Variants in TRAF5 observed in about 807,000 individuals in gnomAD.
The protein encoded by TRAF5 is TNF receptor associated factor 5, also known as TNF receptor-associated factor 5.
TRAF5 carries 48 observed loss-of-function variants against 64.5 expected under a neutral mutation model. The observed-to-expected ratio is 0.74, with a 90% CI of 0.59 to 0.95. The LOEUF (loss-of-function observed/expected upper bound fraction) is 0.95, where lower values mean the gene tolerates loss of function less well. TRAF5 is among the 40% of genes least tolerant of loss of function. The probability of loss-of-function intolerance (pLI) is 0.00; values close to 1 mark genes in which losing one functional copy is unlikely to be tolerated. For missense variants in TRAF5, 545 were observed against 662.8 expected, an observed-to-expected ratio of 0.82 and a Z score of 1.95; for synonymous variants, 206 against 240.5, an observed-to-expected ratio of 0.86 and a Z score of 1.33.
At chr1:211,344,134 T>C (rs1702522448) in intron 1 of TRAF5, among the ~76,000 whole-genome samples, 1 of 152,174 alleles carries the variant, frequency 6.6e-6, no homozygotes, top group South Asian at 2.1e-4. Context: ...TGGGACTGAC[T>C]TGAGGCAGCA....
At chr1:211,362,303 T>C (rs1284773172) in intron 7 of TRAF5, among the ~76,000 whole-genome samples, 2 of 152,240 alleles carry the variant, frequency 1.3e-5, no homozygotes, top group Non-Finnish European at 1.5e-5. Flanking sequence ...TTCTGTATTT[T>C]CTGTAAATCT....
At chr1:211,360,918 C>T (rs1456261337) in intron 6 of TRAF5, 139 bp downstream of exon 6, 3 of 998,866 alleles carry the variant, frequency 3.0e-6, no homozygotes, top group Middle Eastern at 2.2e-4. Context: ...TCTGTCTTCC[C>T]TTCTCTTTTT....
Position 211,353,460 on chromosome 1 carries a change from G to A in TRAF5, c.218+3G>A. ...CAGCACTGCATCCTGTCCCTGAGGT[G>A]AGTGGGCAGGGCCTGCAACTCTGGC... On this transcript the variant is annotated splice_donor_region_variant and intron_variant, in intron 2 of 10. Coordinates refer to ENST00000261464, the MANE Select transcript of TRAF5 (RefSeq NM_001033910.3). 6.2e-7 allele frequency: 1 copy of A among 1,610,676 alleles called. No individual in the cohort carries two copies. Among genetic ancestry groups the A allele is most frequent in the Non-Finnish European group, 8.5e-7 (1 of 1,179,060 alleles).
intron 7 of TRAF5, among the ~76,000 whole-genome samples, chr1:211,364,015 A>C (rs1192046489): frequency 6.6e-6 from 1 of 151,916 alleles, no homozygotes; most frequent in Non-Finnish European, 1.5e-5. Flanking sequence ...AACTTGCCTC[A>C]GCACCAGAGC....
chr1:211,353,217 T>C, intron 1 of TRAF5, 22 bp from the exon 2 acceptor site: 1 of 1,611,540 alleles, frequency 6.2e-7, no homozygotes. Flanking sequence ...TAATTTTCCC[T>C]CTCCTCCCCT....
At chr1:211,336,954 TG>T (rs1358565663) in intron 1 of TRAF5, among the ~76,000 whole-genome samples, 1 of 151,886 alleles carries the variant, frequency 6.6e-6, no homozygotes, top group Non-Finnish European at 1.5e-5. Context: ...CCGCTGCACC[TG>T]GCCAGACCTC....
chr1:211,328,490 G>A (rs1351627289), intron 1 of TRAF5, among the ~76,000 whole-genome samples: 1 of 152,196 alleles, frequency 6.6e-6, no homozygotes, highest in Non-Finnish European at 1.5e-5. Context: ...GACGGGCAGG[G>A]TAGGATGGTG....
At chr1:211,353,892 A>AGG (rs1182013663) in intron 2 of TRAF5, among the ~76,000 whole-genome samples, 2 of 152,170 alleles carry the variant, frequency 1.3e-5, no homozygotes, top group African/African-American at 2.4e-5. Flanking sequence ...TACTGTGTTG[A>AGG]GGGAGGATAC....
intron 7 of TRAF5, among the ~76,000 whole-genome samples, chr1:211,363,629 A>G (rs1247860153): frequency 6.6e-6 from 1 of 152,260 alleles, no homozygotes; most frequent in African/African-American, 2.4e-5. Flanking sequence ...CGAAGAGTCT[A>G]TAAATTTGTC....
At chr1:211,330,538 T>C (rs970198280) in intron 1 of TRAF5, among the ~76,000 whole-genome samples, 2 of 152,078 alleles carry the variant, frequency 1.3e-5, no homozygotes, top group African/African-American at 2.4e-5. Context: ...AGTTTTCTGT[T>C]AGTAAGAAGA....
intron 9 of TRAF5, among the ~76,000 whole-genome samples, chr1:211,369,811 C>T (rs752787271): frequency 1.3e-5 from 2 of 151,922 alleles, no homozygotes; most frequent in African/African-American, 2.4e-5. Flanking sequence ...ACTGCTCCTC[C>T]CCCGACGTGT....
Position 211,372,154 on chromosome 1 carries a change from CA to C in TRAF5, c.1127del (p.His376LeufsTer12), listed in dbSNP as rs751975818. The C allele has an allele frequency of 6.5e-7, 1 of 1,527,960 alleles. No homozygotes were observed. Among genetic ancestry groups the C allele is most frequent in the African/African-American group, 1.4e-5 (1 of 70,286 alleles). 94.7% of individuals were successfully genotyped at this position (1,527,960 alleles called of 1,614,324 possible). ...CGTTTTAGAAGAGGAAACTAACAAA[CA>C]TGATACCCACATTAATATTCATAAA... ...LAVLEEETNKHDTHINIHKAQ... is the reference protein window; with the variant it reads ...LAVLEEETNKXDTHINIHKAQ... On this transcript the variant is annotated frameshift_variant, in exon 11 of 11. Coordinates refer to ENST00000261464, the MANE Select transcript of TRAF5 (RefSeq NM_001033910.3). LOFTEE classifies it high-confidence loss of function.
chr1:211,359,628 C>G (rs1408541430), intron 4 of TRAF5: 1 of 344,586 alleles, frequency 2.9e-6, no homozygotes, highest in Non-Finnish European at 5.3e-6. Context: ...TCATCTAAAA[C>G]AAACTTGGTG....
At chr1:211,331,718 TGCAGTG>T (rs1278087229) in intron 1 of TRAF5, among the ~76,000 whole-genome samples, 1 of 152,078 alleles carries the variant, frequency 6.6e-6, no homozygotes, top group Non-Finnish European at 1.5e-5. Flanking sequence ...CAGGCTGTAG[TGCAGTG>T]GCACAGTCTC....
chr1:211,346,922 A>G (rs1201759020), intron 1 of TRAF5, among the ~76,000 whole-genome samples: 1 of 152,240 alleles, frequency 6.6e-6, no homozygotes, highest in African/African-American at 2.4e-5. Flanking sequence ...AAACTCAACA[A>G]GAGTTCTTAG....
chr1:211,348,693 T>C (rs964201215), intron 1 of TRAF5, among the ~76,000 whole-genome samples: 2 of 152,214 alleles, frequency 1.3e-5, no homozygotes, highest in African/African-American at 4.8e-5. Flanking sequence ...TTTTCTGTTG[T>C]AGATGTCCAG....
rs1441879529 is a variant in TRAF5 at position 211,371,392 on chromosome 1, G to C, written c.1021G>C (p.Asp341His). 1.2e-6 allele frequency: 2 copies of C among 1,611,746 alleles called. No homozygotes were observed. The highest frequency in any genetic ancestry group is 1.3e-5 in the African/African-American group (1 of 74,906). ...QMVNQQQNKF[D>H]LRPLMEAVDT... ...GGTTAACCAGCAACAAAATAAATTT[G>C]ACCTGAGACCTTTGATGGAAGCAGT... Residue 341 changes from aspartate to histidine, a missense_variant, in exon 10 of 11, where the codon GAC (aspartate) becomes CAC (histidine). Coordinates refer to ENST00000261464, the MANE Select transcript of TRAF5 (RefSeq NM_001033910.3).
At chr1:211,349,058 A>AT (rs1702702650) in intron 1 of TRAF5, among the ~76,000 whole-genome samples, 1 of 150,270 alleles carries the variant, frequency 6.7e-6, no homozygotes, top group African/African-American at 2.4e-5. Flanking sequence ...AAAAAAAAAA[A>AT]TTAGCCAGGC....
intron 4 of TRAF5, chr1:211,357,476 G>A (rs1246668948): frequency 6.6e-6 from 1 of 152,220 alleles, no homozygotes; most frequent in Non-Finnish European, 1.5e-5. Context: ...TAAAAAGTAA[G>A]TGAGGCTCAA....
Sources: gnomAD v4.1 joint callset for allele counts (sites outside exome capture counted in the v4.1 genomes callset) on GRCh38, gnomAD v4.1.1 for gene constraint, MANE v1.5 for transcripts, NCBI Gene and HGNC (gene_info 2026-07-23, HGNC 2026-07-21) for gene names.